PCDH15: variants seen among roughly 807,000 people sequenced by gnomAD.
PCDH15 encodes the protein protocadherin related 15, also known as protocadherin-15.
A neutral mutation model predicts 178.5 loss-of-function variants in PCDH15; 129 were observed. The observed-to-expected ratio is 0.72, with a 90% CI of 0.63 to 0.84. The LOEUF is 0.84. PCDH15 is among the 40% of genes least tolerant of loss of function. The pLI is 0.00. For missense variants in PCDH15, 2,230 were observed against 2,099.9 expected, an observed-to-expected ratio of 1.06 and a Z score of -1.21; for synonymous variants, 800 against 732.0, an observed-to-expected ratio of 1.09 and a Z score of -1.50.
rs1348743314 is a variant in PCDH15, at chr10:55,434,075, TTC to T, written c.-156+193548_-156+193549del. Among the ~76,000 whole-genome samples the T allele has an allele frequency of 3.3e-3, 319 of 95,792 alleles. 2 individuals are homozygous for T. The highest frequency in any genetic ancestry group is 5.4e-3 in the African/African-American group (105 of 19,438). The allele number at this position is 95,792 out of a possible 152,430, so 62.8% of individuals were successfully genotyped here. ...CAAATTCTCCGCTTTTTCTTTTCTTTTCTTTTTTTTTTTTTTTTTTTTTGAGA... is the reference window on the plus strand; with the variant it reads ...CAAATTCTCCGCTTTTTCTTTTCTTTTTTTTTTTTTTTTTTTTTTTTGAGA... On this transcript the variant is annotated intron_variant, in intron 2 of 5. Coordinates refer to the PCDH15 transcript ENST00000613346.
intron 2 of PCDH15, among the ~76,000 whole-genome samples, chr10:55,426,561 C>T (rs1444636824): frequency 1.3e-5 from 2 of 152,080 alleles, no homozygotes; most frequent in Non-Finnish European, 2.9e-5. Context: ...TTAGCTCGGC[C>T]GTCCATGGAT....
At chr10:55,569,459 A>T (rs1299782897) in intron 2 of PCDH15, among the ~76,000 whole-genome samples, 2 of 151,960 alleles carry the variant, frequency 1.3e-5, no homozygotes, top group Non-Finnish European at 2.9e-5. Context: ...TCATTTATTC[A>T]GGTGTGGAAA....
At chr10:54,314,517 A>C (rs1325315158) in intron 8 of PCDH15, among the ~76,000 whole-genome samples, 2 of 152,146 alleles carry the variant, frequency 1.3e-5, no homozygotes, top group Non-Finnish European at 2.9e-5. Flanking sequence ...AAGATAAATA[A>C]AAATGAAACT....
intron 3 of PCDH15, among the ~76,000 whole-genome samples, chr10:54,877,936 CTCTTTTTTTTTT>C (rs1954177854): frequency 1.9e-5 from 2 of 104,346 alleles, no homozygotes; most frequent in African/African-American, 3.4e-5. Flanking sequence ...CTCTCTCTCT[CTCTTTTTTTTTT>C]TTTTTTTTTT....
intron 1 of PCDH15, among the ~76,000 whole-genome samples, chr10:54,741,955 TG>T: frequency 2.0e-5 from 3 of 152,196 alleles, no homozygotes; most frequent in African/African-American, 7.2e-5. Context: ...TCAACAATTG[TG>T]AGGTATAAGA....
intron 1 of PCDH15, among the ~76,000 whole-genome samples, chr10:55,185,271 T>TAA (rs1237835661): frequency 6.6e-6 from 1 of 151,808 alleles, no homozygotes; most frequent in Non-Finnish European, 1.5e-5. Context: ...ACTTTGTCTG[T>TAA]TTGTAGCTCA....
upstream of PCDH15, among the ~76,000 whole-genome samples, chr10:54,805,263 T>G (rs1952761211): frequency 6.6e-6 from 1 of 151,856 alleles, no homozygotes; most frequent in Non-Finnish European, 1.5e-5. Flanking sequence ...AGAAGGCATT[T>G]TTTTAAAACC....
At chr10:54,459,390 A>G (rs7912365) in intron 3 of PCDH15, among the ~76,000 whole-genome samples, 5,025 of 152,068 alleles carry the variant, frequency 0.033, 131 homozygotes, top group South Asian at 0.11. Context: ...GAATTATGTC[A>G]TAGGAACTTG....
In PCDH15 at chr10:53,835,242, G is replaced by T. The variant is rs566877982; in HGVS notation, c.3984-3709C>A. The stretch of plus-strand genomic sequence containing the variant: ...TCTAAGTGTGTTTTTAAACATTGTG[G>T]TTTAAAGGCAGTGTATAAAGTCTTT... On this transcript the variant is annotated intron_variant, in intron 29 of 37. Coordinates refer to ENST00000644397, the MANE Select transcript of PCDH15 (RefSeq NM_001384140.1). 2.0e-5 allele frequency among the ~76,000 whole-genome samples: 3 copies of T among 152,194 alleles called. No homozygotes were observed. The South Asian group carries it at 6.2e-4, about 32-fold the overall frequency.
intron 8 of PCDH15, among the ~76,000 whole-genome samples, 161 bp downstream of exon 8, chr10:54,317,110 T>G (rs1340109947): frequency 6.6e-6 from 1 of 152,202 alleles, no homozygotes; most frequent in African/African-American, 2.4e-5. Flanking sequence ...GTGTTAAAAA[T>G]GTATTCATAC....
intron 3 of PCDH15, among the ~76,000 whole-genome samples, chr10:54,478,927 T>C (rs1589623836): frequency 2.6e-5 from 4 of 151,764 alleles, no homozygotes; most frequent in Admixed American, 2.6e-4. Flanking sequence ...AAATGTAGAG[T>C]TATTATGTGT....
chr10:53,813,179 C>CTGTT (rs745691307), intron 35 of PCDH15, among the ~76,000 whole-genome samples: 1 of 152,136 alleles, frequency 6.6e-6, no homozygotes, highest in Non-Finnish European at 1.5e-5. Context: ...ATGTCCTCTC[C>CTGTT]TGTTTATGAC....
chr10:55,485,938 G>A (rs569140105), intron 2 of PCDH15, among the ~76,000 whole-genome samples: 77 of 151,692 alleles, frequency 5.1e-4, no homozygotes, highest in African/African-American at 1.6e-3. Flanking sequence ...GAACCAATCC[G>A]TAATAAAAAT....
At chr10:55,265,355 A>C (rs1254700383) in intron 1 of PCDH15, among the ~76,000 whole-genome samples, 4 of 146,476 alleles carry the variant, frequency 2.7e-5, no homozygotes, top group African/African-American at 1.1e-4. Flanking sequence ...TCTATAATAG[A>C]TATAGGGATA....
At chr10:54,405,612 A>G (rs916000178) in intron 3 of PCDH15, among the ~76,000 whole-genome samples, 11 of 151,948 alleles carry the variant, frequency 7.2e-5, no homozygotes, top group African/African-American at 2.7e-4. Flanking sequence ...GTGATGAAAT[A>G]ATCTGTACAA....
At chr10:54,746,048 C>A (rs1945419286) in intron 1 of PCDH15, among the ~76,000 whole-genome samples, 1 of 152,014 alleles carries the variant, frequency 6.6e-6, no homozygotes, top group Non-Finnish European at 1.5e-5. Flanking sequence ...TATTTTCCAC[C>A]TATTAATTTG....
At chr10:54,883,105 T>TA (rs1564600366) in intron 3 of PCDH15, among the ~76,000 whole-genome samples, 1 of 151,302 alleles carries the variant, frequency 6.6e-6, no homozygotes, top group Non-Finnish European at 1.5e-5. Flanking sequence ...AAAGTGGTTT[T>TA]TCTCTGGACC....
chr10:53,988,096 A>G (rs890865833), intron 21 of PCDH15, among the ~76,000 whole-genome samples: 3 of 152,148 alleles, frequency 2.0e-5, no homozygotes, highest in Non-Finnish European at 4.4e-5. Context: ...TTTAAATGCA[A>G]CCACATCATC....
intron 3 of PCDH15, among the ~76,000 whole-genome samples, chr10:54,513,857 G>A (rs1165998968): frequency 6.6e-6 from 1 of 152,144 alleles, no homozygotes; most frequent in African/African-American, 2.4e-5. Flanking sequence ...AAAAAAGATA[G>A]TCTTTGCCCT....
Sources: allele counts gnomAD v4.1 joint callset (sites outside exome capture counted in the v4.1 genomes callset), GRCh38; gene constraint gnomAD v4.1.1; transcripts MANE v1.5; gene names NCBI Gene and HGNC (gene_info 2026-07-23, HGNC 2026-07-21).